The following CRYBB3 variants were observed in gnomAD, a reference collection of about 807,000 sequenced individuals.
CRYBB3 encodes the protein beta-crystallin B3.
CRYBB3 carries 35 observed loss-of-function variants against 28.3 expected under a neutral mutation model. The observed-to-expected ratio is 1.24, with a 90% CI of 0.95 to 1.64. The LOEUF is 1.64. Ranked by LOEUF, CRYBB3 falls within the 40% of genes most tolerant of loss-of-function variation. The pLI, the probability that CRYBB3 is intolerant of heterozygous loss-of-function variation, is 0.00. For synonymous variants in CRYBB3, 106 were observed against 110.4 expected (o/e 0.96, Z 0.25); for missense variants, 296 against 297.4 (o/e 1.00, Z 0.04).
intron 1 of CRYBB3, among the ~76,000 whole-genome samples, chr22:25,200,287 T>A (rs1431892655): frequency 6.6e-6 from 1 of 151,882 alleles, no homozygotes; most frequent in Non-Finnish European, 1.5e-5. Context: ...AGGCTGTGCA[T>A]GGTTAGGCCC....
In CRYBB3 at chr22:25,205,316, C is replaced by T. The variant is rs367987690; in HGVS notation, c.424C>T (p.His142Tyr). 21 of 1,614,010 alleles carry T rather than the reference C, an allele frequency of 1.3e-5. No homozygotes were observed. Among genetic ancestry groups the T allele is most frequent in the South Asian group, 1.1e-4 (10 of 91,082 alleles). ...TGATGACGTGCCCAGCCTGTGGGCT[C>T]ATGGCTTCCAGGACCGTGTGGCGAG... ...VDDDVPSLWA[H>Y]GFQDRVASVR... The change falls in exon 5 of 6, where the codon CAT becomes TAT. Residue 142 changes from histidine (H) to tyrosine (Y), a missense_variant. By Grantham distance (83) the His-to-Tyr change is moderately conservative (BLOSUM62 2). Coordinates refer to ENST00000215855, the MANE Select transcript of CRYBB3 (RefSeq NM_004076.5).
At chr22:25,200,944 G>A (rs893059589) in intron 1 of CRYBB3, among the ~76,000 whole-genome samples, 2 of 152,202 alleles carry the variant, frequency 1.3e-5, no homozygotes, top group East Asian at 1.9e-4. Context: ...CCTGGAGTAC[G>A]GAGGTGGGAG....
At chr22:25,205,419 C>T in intron 5 of CRYBB3, 57 bp downstream of exon 5, 1 of 1,603,294 alleles carries the variant, frequency 6.2e-7, no homozygotes, top group East Asian at 2.2e-5. Context: ...GCCTCTGGCT[C>T]CAAACAGAAT....
At chr22:25,204,010 C>G in intron 4 of CRYBB3, 115 bp downstream of exon 4, 1 of 1,258,184 alleles carries the variant, frequency 7.9e-7, no homozygotes, top group Non-Finnish European at 1.2e-6. Flanking sequence ...TGGACCTGGC[C>G]TGGGAAGGGC....
At chr22:25,202,575 A>C in intron 2 of CRYBB3, 99 bp from the exon 3 acceptor site, 2 of 1,597,188 alleles carry the variant, frequency 1.3e-6, no homozygotes. Context: ...GGAGAGATGC[A>C]GAAAGCAGAG....
In CRYBB3 at chr22:25,206,823, G is replaced by A. The variant is rs2283810; in HGVS notation, c.471-224G>A. 0.19 allele frequency among the ~76,000 whole-genome samples: 28,766 copies of A among 152,028 alleles called. 3,257 individuals are homozygous for A. Among genetic ancestry groups the A allele is most frequent in the Middle Eastern group, 0.27 (78 of 294 alleles). ...CAACACAGCAGGTTCCGGGAAAGTA[G>A]AATAAGAGAGGCCACGGTGTTGAGT... On this transcript the variant is annotated intron_variant, in intron 5 of 5. Transcript: ENST00000215855.
intron 1 of CRYBB3, among the ~76,000 whole-genome samples, chr22:25,200,219 G>A (rs189404818): frequency 1.3e-5 from 2 of 152,172 alleles, no homozygotes; most frequent in Non-Finnish European, 2.9e-5. Context: ...AGTCCCCTGT[G>A]AGCTGGACCA....
chr22:25,206,743 G>A (rs1039786060), intron 5 of CRYBB3, among the ~76,000 whole-genome samples: 5 of 152,064 alleles, frequency 3.3e-5, no homozygotes, highest in Non-Finnish European at 7.3e-5. Context: ...GAAGGAGAGG[G>A]ATGAGGTGAG....
At chr22:25,206,970 G>A (rs1275079420) in intron 5 of CRYBB3, 77 bp from the exon 6 acceptor site, 8 of 1,077,464 alleles carry the variant, frequency 7.4e-6, no homozygotes, top group South Asian at 1.2e-5. Flanking sequence ...GGCAGGCAGA[G>A]TGCATGGTCA....
rs573293007 is a variant in CRYBB3, at chr22:25,202,756, T to TGTC, written c.159_160insTCG (p.Leu53_Glu54insSer). The TGTC allele has an allele frequency of 3.9e-5, 63 of 1,614,124 alleles. No homozygotes were observed. The African/African-American group carries it at 7.5e-4, about 19-fold the overall frequency. On this transcript the variant is annotated inframe_insertion, in exon 3 of 6. Coordinates refer to ENST00000215855, the MANE Select transcript of CRYBB3 (RefSeq NM_004076.5). ...TGCCCCAGCCTGACCGACAGCCTGC[T>TGTC]GGAGAAGGTGGGCTCCATCCAAGTG...
Position 25,207,254 on chromosome 22 carries a change from C to A in CRYBB3, c.*42C>A. ...AAGGACCCAGACCCACCCTGGGGGG[C>A]TGCAAGGGCAAGAAGAGGAGGCTCC... On this transcript the variant is annotated 3_prime_UTR_variant, in exon 6 of 6. Transcript: ENST00000215855. 2 of 1,579,094 alleles carry A rather than the reference C, an allele frequency of 1.3e-6. No individual in the cohort carries two copies. The highest frequency in any genetic ancestry group is 1.7e-6 in the Non-Finnish European group (2 of 1,157,642).
chr22:25,202,681 T>C lies in CRYBB3; in HGVS notation c.83T>C (p.Leu28Ser), dbSNP rs1934967308. 2 of 1,613,814 alleles carry C rather than the reference T, an allele frequency of 1.2e-6. No individual in the cohort carries two copies. Among genetic ancestry groups the C allele is most frequent in the South Asian group, 2.2e-5 (2 of 91,080 alleles). Residue 28 changes from leucine to serine, a missense_variant, in exon 3 of 6, where the codon TTG becomes TCG. Coordinates refer to ENST00000215855, the MANE Select transcript of CRYBB3 (RefSeq NM_004076.5). The stretch of plus-strand genomic sequence containing the variant: ...AGGACTCTGCTCTTCTAGGTGATCT[T>C]GTACGAACTAGAGAACTTCCAAGGC... ...GDLGGSYKVI[L>S]YELENFQGKR...
chr22:25,202,455 A>G (rs1934963932), intron 2 of CRYBB3, among the ~76,000 whole-genome samples: 2 of 152,230 alleles, frequency 1.3e-5, no homozygotes, highest in African/African-American at 4.8e-5. Flanking sequence ...CCTGCTGGAC[A>G]TCAGAGTTGC....
At chr22:25,202,106 G>T (rs1974977928) in intron 2 of CRYBB3, among the ~76,000 whole-genome samples, 1 of 152,122 alleles carries the variant, frequency 6.6e-6, no homozygotes, top group East Asian at 1.9e-4. Context: ...CCCTTTCTGA[G>T]CTTCTTTGAT....
At position 25,202,787 on chromosome 22, in the gene CRYBB3, C is replaced by T. The variant is rs147906885; in HGVS notation, c.189C>T (p.Ser63=). Residue 63 remains serine, a synonymous_variant, in exon 3 of 6, where the codon TCC becomes TCT. Coordinates refer to ENST00000215855, the MANE Select transcript of CRYBB3 (RefSeq NM_004076.5). ...LEKVGSIQVE[S]GPWLAFESRA... ...AGGTGGGCTCCATCCAAGTGGAGTC[C>T]GGGCCGTGAGTACCTAGACCCCCAG... The T allele has an allele frequency of 6.2e-5, 100 of 1,613,666 alleles. No individual in the cohort carries two copies. The highest frequency in any genetic ancestry group is 1.8e-4 in the Admixed American group (11 of 60,004).
At chr22:25,203,722 C>T (rs1270062733) in intron 3 of CRYBB3, 41 bp from the exon 4 acceptor site, 2 of 1,613,480 alleles carry the variant, frequency 1.2e-6, no homozygotes, top group Non-Finnish European at 1.7e-6. Context: ...CCTTCCTCAG[C>T]TGCAGCAAAG....
intron 3 of CRYBB3, among the ~76,000 whole-genome samples, chr22:25,203,296 C>T (rs984800933): frequency 2.0e-4 from 30 of 152,264 alleles, no homozygotes; most frequent in Admixed American, 1.6e-3. Flanking sequence ...GGGTGATCTT[C>T]GGCAAGTTGC....
intron 2 of CRYBB3, among the ~76,000 whole-genome samples, chr22:25,201,680 C>T (rs1433828958): frequency 6.6e-6 from 1 of 152,186 alleles, no homozygotes; most frequent in Non-Finnish European, 1.5e-5. Flanking sequence ...GTCTGCAAAA[C>T]AGAAATGGTC....
rs537796250 is a variant in CRYBB3, at chr22:25,207,159, C to T, written c.583C>T (p.Arg195Cys). Residue 195 changes from arginine to cysteine, a missense_variant, in exon 6 of 6, where the codon CGC becomes TGC. Arg to Cys is a radical substitution (Grantham distance 180). Transcript: ENST00000215855. ...CAGCCAGCCGCAGCTGCAGTCTGTG[C>T]GCCGCATCCGTGACCAGAAGTGGCA... ...DASQPQLQSV[R>C]RIRDQKWHKR... 2.7e-5 allele frequency: 44 copies of T among 1,613,622 alleles called. No individual in the cohort carries two copies. Among genetic ancestry groups the T allele is most frequent in the Admixed American group, 2.0e-4 (12 of 60,014 alleles).
Sources: gnomAD v4.1 joint callset for allele counts (sites outside exome capture counted in the v4.1 genomes callset) on GRCh38, gnomAD v4.1.1 for gene constraint, MANE v1.5 for transcripts, NCBI Gene and HGNC (gene_info 2026-07-23, HGNC 2026-07-21) for gene names.